Variants in FGF13 observed in about 807,000 individuals in gnomAD.
The protein encoded by FGF13 is fibroblast growth factor 13.
In FGF13, 2 loss-of-function variants were observed where a neutral mutation model predicts 19.5. The observed-to-expected ratio is 0.10, with a 90% CI of 0.04 to 0.32. FGF13 has a LOEUF of 0.32. FGF13 is among the 10% of genes least tolerant of loss of function. The pLI, the probability that FGF13 is intolerant of heterozygous loss-of-function variation, is 1.00. For missense variants in FGF13, 113 were observed against 192.7 expected (o/e 0.59, Z 2.45); for synonymous variants, 72 against 76.9 (o/e 0.94, Z 0.33).
At chrX:139,204,137 C>G (rs2084443567), upstream of FGF13, 1 of 1,196,989 alleles carries the variant, frequency 8.4e-7, no homozygotes, top group Non-Finnish European at 1.1e-6. Context: ...AAGGTTCGCT[C>G]AGAAGACGGA....
downstream of FGF13, chrX:138,857,471 T>A (rs990135911): frequency 2.7e-6 from 3 of 1,131,597 alleles, no homozygotes; most frequent in Non-Finnish European, 3.5e-6. Flanking sequence ...GAAAGAAGAA[T>A]GAGAGAAAAC....
At chrX:138,684,884 A>T (rs1341214767) in intron 3 of FGF13, among the ~76,000 whole-genome samples, 3 of 111,862 alleles carry the variant, frequency 2.7e-5, no homozygotes, top group Non-Finnish European at 5.7e-5. Context: ...AAAAATATGA[A>T]GGCAGTGAGT....
At chrX:138,965,595 A>T (rs756466868) in intron 1 of FGF13, among the ~76,000 whole-genome samples, 3 of 112,014 alleles carry the variant, frequency 2.7e-5, no homozygotes, top group Admixed American at 9.5e-5. Flanking sequence ...AAATTTCACT[A>T]TGAGCAGGGA....
intron 3 of FGF13, among the ~76,000 whole-genome samples, chrX:138,784,318 T>TA (rs1163693056): frequency 2.3e-4 from 19 of 82,611 alleles, no homozygotes; most frequent in Admixed American, 9.5e-4. Flanking sequence ...AGTATAATAA[T>TA]AAAAAAAAAA....
At chrX:138,641,930 A>G (rs1415612525) in intron 3 of FGF13, among the ~76,000 whole-genome samples, 1 of 112,048 alleles carries the variant, frequency 8.9e-6, no homozygotes, top group Admixed American at 9.5e-5. Flanking sequence ...ACAGTAAATT[A>G]TCAATACATA....
chrX:138,695,578 G>A (rs1235799224), intron 3 of FGF13, among the ~76,000 whole-genome samples: 1 of 111,513 alleles, frequency 9.0e-6, no homozygotes, highest in African/African-American at 3.3e-5. Context: ...TCAGAAAACT[G>A]TGTGTGTGTG....
intron 4 of FGF13, among the ~76,000 whole-genome samples, chrX:138,634,158 G>A (rs1277560822): frequency 8.9e-6 from 1 of 111,975 alleles, no homozygotes; most frequent in Non-Finnish European, 1.9e-5. Flanking sequence ...GAGGACCCAA[G>A]GAGCTTTCTG....
chrX:139,072,479 A>T (rs954564664), intron 1 of FGF13, among the ~76,000 whole-genome samples: 4 of 111,715 alleles, frequency 3.6e-5, no homozygotes, highest in African/African-American at 1.3e-4. Context: ...GTATTTTGTT[A>T]TGACAGCCTT....
intron 3 of FGF13, among the ~76,000 whole-genome samples, chrX:138,758,832 C>T (rs1323343266): frequency 8.9e-6 from 1 of 112,157 alleles, no homozygotes; most frequent in East Asian, 2.8e-4. Context: ...ATAACAGCTC[C>T]ACAATCAATT....
At chrX:138,998,689 T>C (rs1432085924) in intron 1 of FGF13, among the ~76,000 whole-genome samples, 1 of 111,149 alleles carries the variant, frequency 9.0e-6, no homozygotes, top group Non-Finnish European at 1.9e-5. Flanking sequence ...ATAAGGCAAA[T>C]CCTTAGAGAC....
At chrX:138,963,004 A>G (rs1254903051) in intron 1 of FGF13, among the ~76,000 whole-genome samples, 1 of 111,211 alleles carries the variant, frequency 9.0e-6, no homozygotes, top group Non-Finnish European at 1.9e-5. Context: ...TAAAAAACAA[A>G]AAAGAAAAAA....
chrX:138,976,150 G>A (rs1182947562), intron 1 of FGF13, among the ~76,000 whole-genome samples: 2 of 111,575 alleles, frequency 1.8e-5, no homozygotes, highest in African/African-American at 6.5e-5. Context: ...GTGACCACCG[G>A]AAACAAGGCT....
intron 1 of FGF13, among the ~76,000 whole-genome samples, chrX:139,045,885 C>G (rs1387443722): frequency 8.9e-6 from 1 of 111,790 alleles, no homozygotes. Flanking sequence ...AACTTTCTCT[C>G]ATCTACCTGT....
At chrX:138,970,521 T>G (rs1484599318) in intron 1 of FGF13, among the ~76,000 whole-genome samples, 2 of 111,559 alleles carry the variant, frequency 1.8e-5, no homozygotes, top group Non-Finnish European at 3.8e-5. Context: ...CAGACGCTCC[T>G]AAAAACAGCC....
At chrX:139,201,154 G>A (rs187454327) in intron 1 of FGF13, among the ~76,000 whole-genome samples, 143 of 111,878 alleles carry the variant, frequency 1.3e-3, no homozygotes, top group African/African-American at 4.4e-3. Context: ...ATCTTGTCTG[G>A]CTACATTTTT....
chrX:138,629,513 T>A lies in FGF13; in HGVS notation c.*3337A>T, dbSNP rs1442240965. On this transcript the variant is annotated 3_prime_UTR_variant, in exon 5 of 5. Coordinates refer to ENST00000315930, the MANE Select transcript of FGF13 (RefSeq NM_004114.5). The stretch of plus-strand genomic sequence containing the variant: ...ATAGTGAGGAAGTTCTCACTAAATC[T>A]GTTTGATAAGTGGCGCTTTCCCATT... 1 of 111,096 alleles carries A rather than the reference T, an allele frequency of 9.0e-6. No individual in the cohort carries two copies. Among genetic ancestry groups the A allele is most frequent in the East Asian group, 2.8e-4 (1 of 3,523 alleles). The allele number at this position is 111,096 out of a possible 1,213,427, so 9.2% of individuals were successfully genotyped here. A position where few individuals can be genotyped will look rare whatever the true frequency, so the allele number is the denominator to read the frequency against.
At chrX:139,085,291 A>G (rs1160026771) in intron 1 of FGF13, among the ~76,000 whole-genome samples, 1 of 112,096 alleles carries the variant, frequency 8.9e-6, no homozygotes, top group African/African-American at 3.2e-5. Context: ...TAGCTTTACC[A>G]CTTACTGCGC....
chrX:139,047,167 G>A (rs1455154323), intron 1 of FGF13, among the ~76,000 whole-genome samples: 1 of 112,059 alleles, frequency 8.9e-6, no homozygotes, highest in Non-Finnish European at 1.9e-5. Flanking sequence ...AACTAGGAAT[G>A]CATTATCAGC....
At chrX:138,995,836 GC>G (rs1375129434) in intron 1 of FGF13, among the ~76,000 whole-genome samples, 1 of 112,109 alleles carries the variant, frequency 8.9e-6, no homozygotes, top group Non-Finnish European at 1.9e-5. Flanking sequence ...TAATGGGATT[GC>G]TGGGTCGAAT....
Sources: gnomAD v4.1 joint callset for allele counts (sites outside exome capture counted in the v4.1 genomes callset) on GRCh38, gnomAD v4.1.1 for gene constraint, MANE v1.5 for transcripts, NCBI Gene and HGNC (gene_info 2026-07-23, HGNC 2026-07-21) for gene names.